NF1: variants seen among roughly 807,000 people sequenced by gnomAD.
The protein encoded by NF1 is neurofibromin 1.
In NF1, 122 loss-of-function variants were observed where a neutral mutation model predicts 325.7. The observed-to-expected ratio is 0.37, with a 90% CI of 0.32 to 0.44. NF1 has a LOEUF of 0.44. NF1 is among the 20% of genes least tolerant of loss of function. The pLI is 1.00. For missense variants in NF1, 2,140 were observed against 3,415.4 expected (o/e 0.63, Z 9.31); for synonymous variants, 1,091 against 1,186.0 (o/e 0.92, Z 1.65).
chr17:31,345,144 A>C (rs946062471), intron 48 of NF1, among the ~76,000 whole-genome samples: 8 of 152,150 alleles, frequency 5.3e-5, no homozygotes, highest in Non-Finnish European at 1.0e-4. Context: ...AAAGAAAAGA[A>C]GACCAGATAC....
chr17:31,365,522 A>T (rs145555893), intron 57 of NF1, among the ~76,000 whole-genome samples: 82 of 152,274 alleles, frequency 5.4e-4, no homozygotes, highest in Non-Finnish European at 1.0e-3. Flanking sequence ...CTTCCGATCC[A>T]TGTTGTTTAA....
At chr17:31,193,660 T>G (rs899695781) in intron 8 of NF1, among the ~76,000 whole-genome samples, 15 of 150,702 alleles carry the variant, frequency 1.0e-4, no homozygotes, top group African/African-American at 3.2e-4. Context: ...CTCTGATATC[T>G]CAACAGCAAA....
At chr17:31,304,881 T>C in intron 36 of NF1, 1 of 1,613,934 alleles carries the variant, frequency 6.2e-7, no homozygotes, top group Non-Finnish European at 8.5e-7. Context: ...CATCAGCAAA[T>C]GGAGATCTAC....
At chr17:31,168,290 C>T (rs2065877065) in intron 4 of NF1, among the ~76,000 whole-genome samples, 1 of 152,108 alleles carries the variant, frequency 6.6e-6, no homozygotes, top group African/African-American at 2.4e-5. Flanking sequence ...GACATCATTT[C>T]ACCTGTAAAT....
At chr17:31,219,392 A>G (rs536833393) in intron 14 of NF1, 19 of 163,578 alleles carry the variant, frequency 1.2e-4, no homozygotes, top group South Asian at 1.0e-3. Context: ...TTTTAAAAAT[A>G]TTATTATTAA....
chr17:31,355,564 G>A (rs1031257424), intron 51 of NF1, among the ~76,000 whole-genome samples: 1 of 152,146 alleles, frequency 6.6e-6, no homozygotes, highest in African/African-American at 2.4e-5. Context: ...AAATAATACT[G>A]TTGGCCGGGC....
intron 8 of NF1, among the ~76,000 whole-genome samples, chr17:31,186,742 C>T (rs2066246659): frequency 6.6e-6 from 1 of 152,188 alleles, no homozygotes; most frequent in African/African-American, 2.4e-5. Flanking sequence ...GCCTCTTTCC[C>T]CAGCTACCCC....
At chr17:31,248,892 C>G in intron 29 of NF1, 92 bp from the exon 30 acceptor site, 1 of 1,279,238 alleles carries the variant, frequency 7.8e-7, no homozygotes, top group Non-Finnish European at 1.1e-6. Flanking sequence ...TTGCACTTGG[C>G]TTAATGTCTG....
At chr17:31,202,685 C>G (rs1438511835) in intron 11 of NF1, among the ~76,000 whole-genome samples, 3 of 152,088 alleles carry the variant, frequency 2.0e-5, no homozygotes, top group African/African-American at 7.2e-5. Flanking sequence ...GATACCTCCT[C>G]CCTTAGTTGA....
At chr17:31,198,947 T>A (rs1230689139) in intron 8 of NF1, among the ~76,000 whole-genome samples, 1 of 152,176 alleles carries the variant, frequency 6.6e-6, no homozygotes, top group African/African-American at 2.4e-5. Context: ...CTGACTTTAG[T>A]AATTTGGTGT....
At chr17:31,318,661 CCAT>C (rs1555626685) in intron 36 of NF1, 1 of 1,614,088 alleles carries the variant, frequency 6.2e-7, no homozygotes, top group Non-Finnish European at 8.5e-7. Context: ...GAAAATTTCA[CCAT>C]GACTTTTGCT....
intron 1 of NF1, among the ~76,000 whole-genome samples, chr17:31,098,971 C>A (rs1160684664): frequency 6.7e-6 from 1 of 148,958 alleles, no homozygotes; most frequent in Non-Finnish European, 1.5e-5. Flanking sequence ...ATAGTTTCAA[C>A]TGTTTATAAA....
chr17:31,267,335 G>A (rs1354062827), intron 36 of NF1, among the ~76,000 whole-genome samples: 1 of 152,160 alleles, frequency 6.6e-6, no homozygotes, highest in African/African-American at 2.4e-5. Context: ...CCTATAAAGT[G>A]TTTTGTGACC....
At chr17:31,268,159 T>C (rs969427125) in intron 36 of NF1, among the ~76,000 whole-genome samples, 2 of 152,186 alleles carry the variant, frequency 1.3e-5, no homozygotes, top group African/African-American at 4.8e-5. Flanking sequence ...CCCCAGATAG[T>C]AACCCGTTCA....
rs567023433 is a variant in NF1, at chr17:31,229,376, G to A, written c.2761G>A (p.Val921Met). Reference protein sequence around the residue: ...LQIRTNVKDLVGLELSPALYP... With the variant: ...LQIRTNVKDLMGLELSPALYP... ...AATACGGACCAATGTTAAGGATCTGGTGGGTCTAGAATTGAGTCCTGCTCT... is the reference window on the plus strand; with the variant it reads ...AATACGGACCAATGTTAAGGATCTGATGGGTCTAGAATTGAGTCCTGCTCT... Residue 921 changes from valine (V) to methionine (M), a missense_variant, in exon 21 of 58, where the codon GTG becomes ATG. Val to Met is a conservative substitution (Grantham distance 21, BLOSUM62 1). Coordinates refer to ENST00000358273, the MANE Select transcript of NF1 (RefSeq NM_001042492.3). 36 of 1,613,932 alleles carry A rather than the reference G, an allele frequency of 2.2e-5. No homozygotes were observed. In the South Asian group the frequency reaches 4.0e-4, roughly 18 times the overall value.
In NF1 at chr17:31,185,164, T is replaced by C. The variant is rs1946355747; in HGVS notation, c.888+2499T>C. On this transcript the variant is annotated intron_variant, in intron 8 of 57. Transcript: ENST00000358273. ...CTGAGGCAGTTGCCAGGCAAGATAATGTTGATTCTCCTCAGAAGCCACCCC... is the reference window on the plus strand; with the variant it reads ...CTGAGGCAGTTGCCAGGCAAGATAACGTTGATTCTCCTCAGAAGCCACCCC... 5.9e-5 allele frequency among the ~76,000 whole-genome samples: 9 copies of C among 152,234 alleles called. No individual in the cohort carries two copies. In the South Asian group the frequency reaches 1.9e-3, roughly 32 times the overall value.
chr17:31,185,396 A>G (rs1382633316), intron 8 of NF1, among the ~76,000 whole-genome samples: 1 of 152,158 alleles, frequency 6.6e-6, no homozygotes, highest in Non-Finnish European at 1.5e-5. Flanking sequence ...TATTACATTA[A>G]TGATATTATG....
intron 8 of NF1, chr17:31,183,013 T>C: frequency 1.8e-6 from 1 of 542,498 alleles, no homozygotes; most frequent in Non-Finnish European, 3.2e-6. Flanking sequence ...TTATAGTGTG[T>C]TATTTGCATG....
At chr17:31,132,198 C>G (rs1325577639) in intron 1 of NF1, among the ~76,000 whole-genome samples, 7 of 152,044 alleles carry the variant, frequency 4.6e-5, no homozygotes, top group South Asian at 4.1e-4. Flanking sequence ...TCCAAAAGTG[C>G]TAGGATTACA....
Sources: allele counts gnomAD v4.1 joint callset (sites outside exome capture counted in the v4.1 genomes callset), GRCh38; gene constraint gnomAD v4.1.1; transcripts MANE v1.5; gene names NCBI Gene and HGNC (gene_info 2026-07-23, HGNC 2026-07-21).